The following TK2 variants were observed in gnomAD, a reference collection of about 807,000 sequenced individuals.
TK2 encodes thymidine kinase 2.
TK2 carries 35 observed loss-of-function variants against 41.9 expected under a neutral mutation model. The observed-to-expected ratio is 0.84, with a 90% CI of 0.64 to 1.11. The LOEUF (loss-of-function observed/expected upper bound fraction) is 1.11. Ranked by LOEUF, TK2 falls within the 50% of genes least tolerant of loss-of-function variation. The pLI is 0.00. For missense variants in TK2, 320 were observed against 351.1 expected (o/e 0.91, Z 0.71); for synonymous variants, 128 against 129.1 (o/e 0.99, Z 0.06).
At position 66,510,731 on chromosome 16, in the gene TK2, C is replaced by T. The variant is rs1964426793; in HGVS notation, c.*1237G>A. The stretch of plus-strand genomic sequence containing the variant: ...AAGCTCTCTCTGCCCACCTCCAAAG[C>T]TTCAGGACCAGCAATGCTTCCAGAG... On this transcript the variant is annotated 3_prime_UTR_variant, in exon 10 of 10. Transcript: ENST00000544898. 6.6e-6 allele frequency: 1 copy of T among 152,244 alleles called. No homozygotes were observed. Among genetic ancestry groups the T allele is most frequent in the Non-Finnish European group, 1.5e-5 (1 of 68,066 alleles). The allele number at this position is 152,244 out of a possible 1,614,324, so 9.4% of individuals were successfully genotyped here.
In TK2 at chr16:66,542,104, G is replaced by C. The variant is rs1364480192; in HGVS notation, c.157-151C>G. 4 of 800,554 alleles carry C rather than the reference G, an allele frequency of 5.0e-6. No homozygotes were observed. In the African/African-American group the frequency reaches 6.8e-5, roughly 14 times the overall value. The allele number at this position is 800,554 out of a possible 1,614,324, so 49.6% of individuals were successfully genotyped here. ...AACCAAAATCCCTCCTCGGGAAACT[G>C]GCAAGGTCCCATTGTTAGTAATAAC... On this transcript the variant is annotated intron_variant, in intron 2 of 9. Transcript: ENST00000544898.
intron 6 of TK2, among the ~76,000 whole-genome samples, chr16:66,520,559 C>G (rs1169800698): frequency 6.6e-6 from 1 of 152,224 alleles, no homozygotes; most frequent in Non-Finnish European, 1.5e-5. Context: ...AAAGATACTT[C>G]CGCACGCTTA....
chr16:66,514,003 A>C lies in TK2; in HGVS notation c.619-192T>G. ...CACACACTCGGTGGCCAGGCTGAGCAAAACAGCACAAGTGTCACCAGCCAC... is the reference window on the plus strand; with the variant it reads ...CACACACTCGGTGGCCAGGCTGAGCCAAACAGCACAAGTGTCACCAGCCAC... On this transcript the variant is annotated intron_variant, in intron 8 of 9. Transcript: ENST00000544898. The surrounding 1 kb of genome is among the most constrained non-coding windows in gnomAD (Gnocchi z 4.2). The C allele has an allele frequency of 3.0e-6, 2 of 673,632 alleles. No homozygotes were observed. The highest frequency in any genetic ancestry group is 3.1e-5 in the South Asian group (2 of 65,358). The allele number at this position is 673,632 out of a possible 1,614,324, so 41.7% of individuals were successfully genotyped here. A position where few individuals can be genotyped will look rare whatever the true frequency, so the allele number is the denominator to read the frequency against.
intron 6 of TK2, 51 bp downstream of exon 6, chr16:66,528,942 AT>A: frequency 1.3e-6 from 2 of 1,560,252 alleles, no homozygotes; most frequent in Non-Finnish European, 8.8e-7. Flanking sequence ...TTTCTATTTC[AT>A]TTTGAAAAAT....
intron 5 of TK2, among the ~76,000 whole-genome samples, chr16:66,530,951 G>A (rs1308731783): frequency 6.6e-6 from 1 of 152,140 alleles, no homozygotes; most frequent in Non-Finnish European, 1.5e-5. Flanking sequence ...TTGAACTCCT[G>A]ACCTCAGGTG....
intron 6 of TK2, among the ~76,000 whole-genome samples, chr16:66,522,166 AG>A (rs1374713451): frequency 6.6e-6 from 1 of 152,082 alleles, no homozygotes; most frequent in Non-Finnish European, 1.5e-5. Flanking sequence ...CCAGTCTGTC[AG>A]CTGACTCGGA....
rs753881948 is a variant in TK2 at position 66,531,388 on chromosome 16, G to A, written c.367C>T (p.Arg123Cys). The A allele has an allele frequency of 1.5e-5, 24 of 1,614,026 alleles. No individual in the cohort carries two copies. Among genetic ancestry groups the A allele is most frequent in the South Asian group, 2.2e-5 (2 of 91,074 alleles). The change falls in exon 5 of 10, where the codon CGT (arginine) becomes TGT (cysteine). Residue 123 changes from arginine to cysteine, a missense_variant. Transcript: ENST00000544898. ...VQLTMLDRHT[R>C]PQVSSVRLME... ...GAGCATCTGAAACCTACCTGAGGACGAGTATGCCTGTCCAGCATGGTGAGC... is the reference window on the plus strand; with the variant it reads ...GAGCATCTGAAACCTACCTGAGGACAAGTATGCCTGTCCAGCATGGTGAGC...
Position 66,550,067 on chromosome 16 carries a change from G to T in TK2, c.-6C>A. 6.3e-7 allele frequency: 1 copy of T among 1,589,588 alleles called. No homozygotes were observed. Among genetic ancestry groups the T allele is most frequent in the East Asian group, 2.3e-5 (1 of 43,868 alleles). On this transcript the variant is annotated 5_prime_UTR_variant, in exon 1 of 10. Transcript: ENST00000544898. The stretch of plus-strand genomic sequence containing the variant: ...CGCAGCGGCCACAGCAGCATAGCCG[G>T]GCGAGCGGATCCAGAGGCCCGGGGT...
intron 6 of TK2, among the ~76,000 whole-genome samples, chr16:66,520,000 C>T (rs1315017270): frequency 6.6e-6 from 1 of 152,190 alleles, no homozygotes; most frequent in African/African-American, 2.4e-5. Flanking sequence ...GACATTCTCC[C>T]CTAGTCTCTG....
At chr16:66,535,298 G>C (rs1349165578) in intron 4 of TK2, among the ~76,000 whole-genome samples, 2 of 152,152 alleles carry the variant, frequency 1.3e-5, no homozygotes, top group African/African-American at 4.8e-5. Flanking sequence ...AAGGCTATCT[G>C]TACCAAGGAC....
At chr16:66,532,604 C>T (rs1278510243) in intron 4 of TK2, among the ~76,000 whole-genome samples, 4 of 142,334 alleles carry the variant, frequency 2.8e-5, no homozygotes, top group African/African-American at 2.6e-5. Context: ...GACCCTGTCT[C>T]GAAAAAAAAA....
intron 6 of TK2, among the ~76,000 whole-genome samples, chr16:66,526,674 C>T (rs768853239): frequency 3.3e-5 from 5 of 152,164 alleles, no homozygotes; most frequent in Non-Finnish European, 7.4e-5. Context: ...ATCTCTTGAG[C>T]CCAGGACATC....
chr16:66,519,859 A>G (rs1407746355), intron 6 of TK2, among the ~76,000 whole-genome samples: 2 of 152,182 alleles, frequency 1.3e-5, no homozygotes, highest in African/African-American at 2.4e-5. Context: ...GGCTGACTCC[A>G]GTCCCACGAG....
rs550509320 is a variant in TK2, at chr16:66,516,350, T to C, written c.618+786A>G. ...GTGTGTGGCCACAACTAGTTCCTTA[T>C]AGCCAGAGCATAGAAAGTAGGGAAT... is the stretch of plus-strand genomic sequence containing the variant. On this transcript the variant is annotated intron_variant, in intron 8 of 9. Transcript: ENST00000544898. Among the ~76,000 whole-genome samples the C allele has an allele frequency of 3.2e-4, 48 of 152,328 alleles. 1 individual carries two copies. The South Asian group carries it at 9.9e-3, about 32-fold the overall frequency.
rs541251707 is a variant in TK2, at chr16:66,543,745, G to A, written c.157-1792C>T. ...CATAAACACCAGGTCACAGTGGGCC[G>A]TCTCACCCGACCCCACTAAAGTCTC... On this transcript the variant is annotated intron_variant, in intron 2 of 9. Coordinates refer to ENST00000544898, the MANE Select transcript of TK2 (RefSeq NM_004614.5). 5.3e-5 allele frequency among the ~76,000 whole-genome samples: 8 copies of A among 152,226 alleles called. No homozygotes were observed. In the South Asian group the frequency reaches 1.5e-3, roughly 28 times the overall value.
chr16:66,521,732 G>A (rs1451708270), intron 6 of TK2, among the ~76,000 whole-genome samples: 1 of 152,166 alleles, frequency 6.6e-6, no homozygotes, highest in Non-Finnish European at 1.5e-5. Flanking sequence ...CCACCGACAA[G>A]ACAAGCCACT....
At chr16:66,520,802 G>A (rs1363596832) in intron 6 of TK2, among the ~76,000 whole-genome samples, 1 of 152,170 alleles carries the variant, frequency 6.6e-6, no homozygotes, top group Non-Finnish European at 1.5e-5. Flanking sequence ...GTTCAGCTCC[G>A]AATATTTGAT....
intron 2 of TK2, chr16:66,548,733 C>T (rs1475137405): frequency 3.9e-6 from 2 of 508,192 alleles, no homozygotes; most frequent in Admixed American, 3.4e-5. Context: ...CTTTAACAGC[C>T]CAAATCTACC....
chr16:66,513,278 C>G (rs1964505586), intron 9 of TK2, among the ~76,000 whole-genome samples: 1 of 152,198 alleles, frequency 6.6e-6, no homozygotes, highest in African/African-American at 2.4e-5. Flanking sequence ...GCAGACAGTT[C>G]CACACACCTC....
Sources: gnomAD v4.1 joint callset for allele counts (sites outside exome capture counted in the v4.1 genomes callset) on GRCh38, gnomAD v4.1.1 for gene constraint, Gnocchi (gnomAD v3.1) non-coding constraint, MANE v1.5 for transcripts, NCBI Gene and HGNC (gene_info 2026-07-23, HGNC 2026-07-21) for gene names.